The following DNAJC10 variants were observed in gnomAD, a reference collection of about 807,000 sequenced individuals.
DNAJC10 encodes the protein DnaJ heat shock protein family (Hsp40) member C10.
Under a neutral mutation model 115.0 loss-of-function variants are expected in DNAJC10, and 101 were observed. That is an observed-to-expected ratio of 0.88 (90% CI 0.75 to 1.04). The LOEUF is 1.04. DNAJC10 is among the 50% of genes least tolerant of loss of function. The probability of loss-of-function intolerance (pLI) is 0.00; values close to 1 mark genes in which losing one functional copy is unlikely to be tolerated. For synonymous variants in DNAJC10, 307 were observed against 301.5 expected (o/e 1.02, Z -0.19); for missense variants, 981 against 928.8 (o/e 1.06, Z -0.73).
Position 182,781,621 on chromosome 2 carries a change from A to G in DNAJC10, c.*4489A>G, listed in dbSNP as rs928419285. The stretch of plus-strand genomic sequence containing the variant: ...CCTATTTCTCCACATCCTCTCCAGC[A>G]TCTGTTGTTTCCTCACTTTTTAATG... On this transcript the variant is annotated 3_prime_UTR_variant, in exon 24 of 24. Coordinates refer to ENST00000264065, the MANE Select transcript of DNAJC10 (RefSeq NM_018981.4). 1.3e-5 allele frequency: 2 copies of G among 152,140 alleles called. No individual in the cohort carries two copies. The highest frequency in any genetic ancestry group is 1.9e-4 in the East Asian group (1 of 5,192). 9.4% of individuals were successfully genotyped at this position (152,140 alleles called of 1,614,324 possible).
chr2:182,752,331 T>A (rs539031648), intron 16 of DNAJC10, 143 bp downstream of exon 16: 2 of 467,742 alleles, frequency 4.3e-6, no homozygotes, highest in African/African-American at 4.0e-5. Context: ...CAAAATAATA[T>A]TTTTAGAAAG....
intron 21 of DNAJC10, 36 bp downstream of exon 21, chr2:182,759,343 A>T (rs1440872332): frequency 1.3e-6 from 2 of 1,568,382 alleles, no homozygotes; most frequent in Admixed American, 4.3e-5. Context: ...TTGTAGCCAC[A>T]TTCATGTTTT....
Position 182,728,985 on chromosome 2 carries a change from G to T in DNAJC10, c.624G>T (p.Arg208=), listed in dbSNP as rs1006872555. The T allele has an allele frequency of 1.2e-6, 2 of 1,613,980 alleles. No individual in the cohort carries two copies. The highest frequency in any genetic ancestry group is 1.7e-5 in the Admixed American group (1 of 60,022). The part of the protein sequence containing the change: ...VNSYPSLFIF[R]SGMAPVKYHG... Reference sequence around the variant, plus strand: ...GCTATCCCAGCCTCTTCATTTTTCGGTCTGGAATGGTAAGGGATAAAGTTA... The same window carrying T: ...GCTATCCCAGCCTCTTCATTTTTCGTTCTGGAATGGTAAGGGATAAAGTTA... Residue 208 remains arginine (R), a synonymous_variant, in exon 7 of 24, where the codon CGG becomes CGT. Transcript: ENST00000264065.
intron 22 of DNAJC10, among the ~76,000 whole-genome samples, chr2:182,768,486 C>G (rs1694473780): frequency 6.6e-6 from 1 of 152,156 alleles, no homozygotes; most frequent in East Asian, 1.9e-4. Context: ...GGGTAGCATT[C>G]AGCCATTGAG....
chr2:182,775,841 T>C (rs550717124), intron 23 of DNAJC10, among the ~76,000 whole-genome samples: 1 of 152,306 alleles, frequency 6.6e-6, no homozygotes, highest in South Asian at 2.1e-4. Context: ...GTTTAGTGAA[T>C]GAAGCCAGTC....
At position 182,729,337 on chromosome 2, in the gene DNAJC10, C is replaced by T. The variant is rs1266150689; in HGVS notation, c.633+343C>T. Reference sequence around the variant, plus strand: ...CTAATTTTTGTATTTTTAGTAGAGACGGGGTTTCGCCATGTTGGCCAGGCT... The same window carrying T: ...CTAATTTTTGTATTTTTAGTAGAGATGGGGTTTCGCCATGTTGGCCAGGCT... On this transcript the variant is annotated intron_variant, in intron 7 of 23. Transcript: ENST00000264065. 4.6e-5 allele frequency among the ~76,000 whole-genome samples: 7 copies of T among 152,128 alleles called. No homozygotes were observed. In the East Asian group the frequency reaches 5.8e-4, roughly 13 times the overall value.
In DNAJC10 at chr2:182,784,612, T is replaced by TTG. The variant is rs775179289; in HGVS notation, c.*7480_*7481insTG. The TTG allele has an allele frequency of 6.6e-6, 1 of 152,228 alleles. No homozygotes were observed. Among genetic ancestry groups the TTG allele is most frequent in the Non-Finnish European group, 1.5e-5 (1 of 68,048 alleles). The allele number at this position is 152,228 out of a possible 1,614,324, so 9.4% of individuals were successfully genotyped here. ...TTCTGACTAGAAATTATAAATTCATTGTTTTATGCCTTAAAAATTATAAAT... is the reference window on the plus strand; with the variant it reads ...TTCTGACTAGAAATTATAAATTCATTTGGTTTTATGCCTTAAAAATTATAAAT... On this transcript the variant is annotated 3_prime_UTR_variant, in exon 24 of 24. Transcript: ENST00000264065.
chr2:182,786,662 T>A lies in DNAJC10; in HGVS notation c.*9530T>A, dbSNP rs1694951964. ...AGCTTTGAATAGCCTTCCACCCTTG[T>A]GTCCTTCAAACCCCATTCTTGCCAA... On this transcript the variant is annotated 3_prime_UTR_variant, in exon 24 of 24. Coordinates refer to ENST00000264065, the MANE Select transcript of DNAJC10 (RefSeq NM_018981.4). 1 of 152,356 alleles carries A rather than the reference T, an allele frequency of 6.6e-6. No individual in the cohort carries two copies. The highest frequency in any genetic ancestry group is 1.5e-5 in the Non-Finnish European group (1 of 68,150). The allele number at this position is 152,356 out of a possible 1,614,324, so 9.4% of individuals were successfully genotyped here. A position where few individuals can be genotyped will look rare whatever the true frequency, so the allele number is the denominator to read the frequency against.
rs1313397328 is a variant in DNAJC10, at chr2:182,792,914, CAATT to C, written c.*15786_*15789del. 10 of 152,182 alleles carry C rather than the reference CAATT, an allele frequency of 6.6e-5. No individual in the cohort carries two copies. Among genetic ancestry groups the C allele is most frequent in the African/African-American group, 1.4e-4 (6 of 41,516 alleles). The allele number at this position is 152,182 out of a possible 1,614,324, so 9.4% of individuals were successfully genotyped here. A position where few individuals can be genotyped will look rare whatever the true frequency, so the allele number is the denominator to read the frequency against. On this transcript the variant is annotated 3_prime_UTR_variant, in exon 24 of 24. Coordinates refer to ENST00000264065, the MANE Select transcript of DNAJC10 (RefSeq NM_018981.4). Reference sequence around the variant, plus strand: ...TCGCAGTGGGGAGATAGACAATAAACAATTAATATAAGCAAATGTTAAGTATGTT... The same window carrying C: ...TCGCAGTGGGGAGATAGACAATAAACAATATAAGCAAATGTTAAGTATGTT...
intron 14 of DNAJC10, 111 bp downstream of exon 14, chr2:182,743,823 T>A (rs1693797440): frequency 5.7e-6 from 4 of 706,904 alleles, no homozygotes; most frequent in Non-Finnish European, 9.4e-6. Context: ...TGTAAATAAC[T>A]TTTCTCAGTA....
chr2:182,772,328 A>G (rs143749030), intron 22 of DNAJC10, among the ~76,000 whole-genome samples: 78 of 151,496 alleles, frequency 5.1e-4, no homozygotes, highest in East Asian at 4.8e-3. Flanking sequence ...GTGGTTGTCT[A>G]TTAGGTCTGC....
intron 4 of DNAJC10, 133 bp downstream of exon 4, chr2:182,720,302 G>A: frequency 1.4e-6 from 1 of 721,744 alleles, no homozygotes; most frequent in Non-Finnish European, 2.3e-6. Flanking sequence ...CTGTGGGAGT[G>A]AAATTTAAAA....
chr2:182,719,402 C>T (rs900772866), intron 3 of DNAJC10, among the ~76,000 whole-genome samples: 2 of 151,704 alleles, frequency 1.3e-5, no homozygotes, highest in African/African-American at 2.4e-5. Flanking sequence ...TACAGGCGTG[C>T]GTCACTACTG....
Position 182,722,005 on chromosome 2 carries a change from T to G in DNAJC10, c.368-20T>G. 1 of 1,369,806 alleles carries G rather than the reference T, an allele frequency of 7.3e-7. No homozygotes were observed. Among genetic ancestry groups the G allele is most frequent in the Non-Finnish European group, 1.0e-6 (1 of 998,534 alleles). 84.9% of individuals were successfully genotyped at this position (1,369,806 alleles called of 1,614,324 possible). A position where few individuals can be genotyped will look rare whatever the true frequency, so the allele number is the denominator to read the frequency against. On this transcript the variant is annotated intron_variant, in intron 4 of 23. Coordinates refer to ENST00000264065, the MANE Select transcript of DNAJC10 (RefSeq NM_018981.4). ...TGGTGAAGTTTTGATTTTATAATTT[T>G]TATATACTTTTAAAATTAGGTATTT...
In DNAJC10 at chr2:182,763,500, C is replaced by G. The variant is rs113811858; in HGVS notation, c.2265+699C>G. Among the ~76,000 whole-genome samples the G allele has an allele frequency of 7.0e-4, 106 of 152,208 alleles. 1 individual carries two copies. Among genetic ancestry groups the G allele is most frequent in the African/African-American group, 2.5e-3 (105 of 41,550 alleles). Reference sequence around the variant, plus strand: ...AAAGGGCTTGTTAAACCACAAACATCCACTAGATGGCTTGAGGTCCAGTCG... The same window carrying G: ...AAAGGGCTTGTTAAACCACAAACATGCACTAGATGGCTTGAGGTCCAGTCG... On this transcript the variant is annotated intron_variant, in intron 22 of 23. Coordinates refer to ENST00000264065, the MANE Select transcript of DNAJC10 (RefSeq NM_018981.4).
intron 21 of DNAJC10, among the ~76,000 whole-genome samples, chr2:182,761,613 A>G (rs1229047199): frequency 6.6e-6 from 1 of 152,140 alleles, no homozygotes; most frequent in Non-Finnish European, 1.5e-5. Flanking sequence ...TGATAGATGA[A>G]GGATAGAGAG....
chr2:182,722,179 C>A (rs887431751), intron 5 of DNAJC10, 104 bp downstream of exon 5: 9 of 803,080 alleles, frequency 1.1e-5, no homozygotes, highest in Non-Finnish European at 1.8e-5. Context: ...TTTGGAGTTT[C>A]GAACAGTAAT....
intron 14 of DNAJC10, 67 bp from the exon 15 acceptor site, chr2:182,751,591 T>C: frequency 6.5e-7 from 1 of 1,538,146 alleles, no homozygotes; most frequent in South Asian, 1.2e-5. Context: ...GTATTAAAAC[T>C]TTGAAATGTC....
At chr2:182,749,786 C>T (rs1243241805) in intron 14 of DNAJC10, among the ~76,000 whole-genome samples, 1 of 152,186 alleles carries the variant, frequency 6.6e-6, no homozygotes, top group Non-Finnish European at 1.5e-5. Flanking sequence ...TTAAAACAAA[C>T]ATGTATTAAT....
Sources: gnomAD v4.1 joint callset for allele counts (sites outside exome capture counted in the v4.1 genomes callset) on GRCh38, gnomAD v4.1.1 for gene constraint, MANE v1.5 for transcripts, NCBI Gene and HGNC (gene_info 2026-07-23, HGNC 2026-07-21) for gene names.